Variants in SDK1 observed in about 807,000 individuals in gnomAD.
SDK1 encodes the protein sidekick cell adhesion molecule 1, also known as protein sidekick-1.
In SDK1, 157 loss-of-function variants were observed where a neutral mutation model predicts 245.5. That is an observed-to-expected ratio of 0.64 (90% CI 0.56 to 0.73). The LOEUF (loss-of-function observed/expected upper bound fraction) is 0.73, where lower values mean the gene tolerates loss of function less well. SDK1 is among the 30% of genes least tolerant of loss of function. The pLI, the probability that SDK1 is intolerant of heterozygous loss-of-function variation, is 0.00. For missense variants in SDK1, 3,583 were observed against 3,002.3 expected, an observed-to-expected ratio of 1.19 and a Z score of -4.52; for synonymous variants, 1,647 against 1,278.5, an observed-to-expected ratio of 1.29 and a Z score of -6.15.
At chr7:3,420,428 A>C (rs1779504923) in intron 1 of SDK1, among the ~76,000 whole-genome samples, 1 of 152,206 alleles carries the variant, frequency 6.6e-6, no homozygotes, top group Non-Finnish European at 1.5e-5. Flanking sequence ...TCAGAGCAAT[A>C]ATCATTTTAC....
intron 1 of SDK1, among the ~76,000 whole-genome samples, chr7:3,352,961 G>A (rs1435041898): frequency 6.6e-6 from 1 of 152,100 alleles, no homozygotes; most frequent in Admixed American, 6.5e-5. Flanking sequence ...GGAATACTTT[G>A]TTGTAGTTAG....
intron 35 of SDK1, among the ~76,000 whole-genome samples, chr7:4,199,038 C>T (rs1322969346): frequency 6.6e-6 from 1 of 152,134 alleles, no homozygotes; most frequent in East Asian, 1.9e-4. Context: ...TTGTCTTGAC[C>T]TCCTGACTTC....
At chr7:4,028,032 A>T (rs1035366574) in intron 17 of SDK1, among the ~76,000 whole-genome samples, 23 of 152,022 alleles carry the variant, frequency 1.5e-4, no homozygotes, top group African/African-American at 5.1e-4. Flanking sequence ...TAAGAAGGGG[A>T]GGAGGAAGGA....
intron 1 of SDK1, among the ~76,000 whole-genome samples, chr7:3,347,672 G>T (rs1241827319): frequency 6.6e-6 from 1 of 152,100 alleles, no homozygotes; most frequent in East Asian, 1.9e-4. Context: ...TTCCTAAGTG[G>T]CTTTACAAGT....
rs71029672 is a variant in SDK1, at chr7:3,435,321, C to CTTTTTTTTTTTTTTT, written c.298+133450_298+133464dup. Among the ~76,000 whole-genome samples the CTTTTTTTTTTTTTTT allele has an allele frequency of 1.8e-3, 102 of 56,894 alleles. 6 individuals are homozygous for CTTTTTTTTTTTTTTT. The highest frequency in any genetic ancestry group is 6.3e-3 in the African/African-American group (69 of 10,992). The allele number at this position is 56,894 out of a possible 152,430, so 37.3% of individuals were successfully genotyped here. A position where few individuals can be genotyped will look rare whatever the true frequency, so the allele number is the denominator to read the frequency against. On this transcript the variant is annotated intron_variant, in intron 1 of 44. Transcript: ENST00000404826. ...ATACTTGACTTATGAAGGGGACTGC[C>CTTTTTTTTTTTTTTT]TTTTTTTTTTTTTTTTTTTTTTTTT...
At chr7:3,656,483 A>G (rs1783188432) in intron 4 of SDK1, among the ~76,000 whole-genome samples, 1 of 152,164 alleles carries the variant, frequency 6.6e-6, no homozygotes, top group African/African-American at 2.4e-5. Context: ...TCAAAAGCAA[A>G]TGTACTTTGG....
chr7:3,867,411 G>A (rs188745497), intron 5 of SDK1, among the ~76,000 whole-genome samples: 237 of 152,196 alleles, frequency 1.6e-3, no homozygotes, highest in East Asian at 9.7e-4. Flanking sequence ...CCATTTTCAC[G>A]CTGCTGATAA....
intron 30 of SDK1, among the ~76,000 whole-genome samples, chr7:4,156,731 C>G (rs1329074949): frequency 2.6e-5 from 4 of 152,160 alleles, no homozygotes; most frequent in Non-Finnish European, 5.9e-5. Context: ...ATGCATAAAC[C>G]TGATGGGCAT....
At chr7:3,828,573 C>T (rs1466885151) in intron 5 of SDK1, among the ~76,000 whole-genome samples, 2 of 151,074 alleles carry the variant, frequency 1.3e-5, no homozygotes, top group Non-Finnish European at 1.5e-5. Context: ...ATAACTCAAT[C>T]CAAGAGAAGG....
chr7:3,600,263 C>T (rs1046771774), intron 1 of SDK1, among the ~76,000 whole-genome samples: 1 of 152,060 alleles, frequency 6.6e-6, no homozygotes, highest in Non-Finnish European at 1.5e-5. Flanking sequence ...GTGTGTTGAT[C>T]TTGTATCATG....
At chr7:3,481,597 C>G (rs1379563862) in intron 1 of SDK1, among the ~76,000 whole-genome samples, 2 of 152,214 alleles carry the variant, frequency 1.3e-5, no homozygotes, top group African/African-American at 2.4e-5. Context: ...AACCACCCTT[C>G]CTTCCCACAT....
In SDK1 at chr7:3,595,812, A is replaced by T. The variant is rs1245725549; in HGVS notation, c.299-23268A>T. On this transcript the variant is annotated intron_variant, in intron 1 of 44. Coordinates refer to ENST00000404826, the MANE Select transcript of SDK1 (RefSeq NM_152744.4). The stretch of plus-strand genomic sequence containing the variant: ...CACTGCACTCCAGCCTGGTCGACAG[A>T]GTTAAGACTTCATCTCAAAAAAAAA... 2.3e-5 allele frequency among the ~76,000 whole-genome samples: 3 copies of T among 128,864 alleles called. No homozygotes were observed. In the East Asian group the frequency reaches 7.6e-4, roughly 33 times the overall value. The allele number at this position is 128,864 out of a possible 152,430, so 84.5% of individuals were successfully genotyped here.
At position 3,582,683 on chromosome 7, in the gene SDK1, TAAAAAA is replaced by T. The variant is rs71029682; in HGVS notation, c.299-36376_299-36371del. Among the ~76,000 whole-genome samples, 637 of 69,674 alleles carry T rather than the reference TAAAAAA, an allele frequency of 9.1e-3. 5 individuals carry two copies. The highest frequency in any genetic ancestry group is 0.026 in the African/African-American group (468 of 17,696). 45.7% of individuals were successfully genotyped at this position (69,674 alleles called of 152,430 possible). The stretch of plus-strand genomic sequence containing the variant: ...ATGTAGCCCTGAACCTAAACTAAAG[TAAAAAA>T]AAAAAAAAAAAAAAAAAAAAGGTAC... On this transcript the variant is annotated intron_variant, in intron 1 of 44. Coordinates refer to ENST00000404826, the MANE Select transcript of SDK1 (RefSeq NM_152744.4).
At chr7:3,810,244 T>C (rs186970104) in intron 4 of SDK1, among the ~76,000 whole-genome samples, 1 of 152,324 alleles carries the variant, frequency 6.6e-6, no homozygotes, top group Non-Finnish European at 1.5e-5. Flanking sequence ...TGGTTTCCAA[T>C]TTGACTGGAT....
intron 2 of SDK1, among the ~76,000 whole-genome samples, chr7:3,633,175 A>T (rs919280054): frequency 2.0e-5 from 3 of 152,208 alleles, no homozygotes; most frequent in Admixed American, 6.5e-5. Flanking sequence ...AGATATTTTC[A>T]TACCAGCATA....
intron 1 of SDK1, among the ~76,000 whole-genome samples, chr7:3,594,079 A>G (rs1583206351): frequency 6.6e-6 from 1 of 152,262 alleles, no homozygotes; most frequent in East Asian, 1.9e-4. Flanking sequence ...GAAACCATGT[A>G]CCTACTAGGA....
At chr7:3,319,454 G>C (rs1779740291) in intron 1 of SDK1, among the ~76,000 whole-genome samples, 1 of 152,118 alleles carries the variant, frequency 6.6e-6, no homozygotes, top group South Asian at 2.1e-4. Context: ...CTACACCCAT[G>C]GCTGGTGTGG....
intron 1 of SDK1, among the ~76,000 whole-genome samples, chr7:3,587,614 T>C (rs990589171): frequency 1.3e-5 from 2 of 152,206 alleles, no homozygotes; most frequent in Admixed American, 6.5e-5. Flanking sequence ...GACTGGACGA[T>C]CCCTACCTAC....
intron 1 of SDK1, among the ~76,000 whole-genome samples, chr7:3,480,088 A>G (rs968713258): frequency 3.3e-5 from 5 of 152,322 alleles, no homozygotes; most frequent in Admixed American, 1.3e-4. Flanking sequence ...AGATAGCAGA[A>G]GGAATTAAGC....
Sources: allele counts gnomAD v4.1 joint callset (sites outside exome capture counted in the v4.1 genomes callset), GRCh38; gene constraint gnomAD v4.1.1; transcripts MANE v1.5; gene names NCBI Gene and HGNC (gene_info 2026-07-23, HGNC 2026-07-21).